Variants in STARD7 observed in about 807,000 individuals in gnomAD.
The protein encoded by STARD7 is StAR related lipid transfer domain containing 7, also known as stAR-related lipid transfer protein 7, mitochondrial.
A neutral mutation model predicts 45.3 loss-of-function variants in STARD7; 30 were observed. The observed-to-expected ratio is 0.66, with a 90% CI of 0.50 to 0.90. The LOEUF is 0.90. Ranked by LOEUF, STARD7 falls within the 40% of genes least tolerant of loss-of-function variation. The pLI, the probability that STARD7 is intolerant of heterozygous loss-of-function variation, is 0.00. For missense variants in STARD7, 495 were observed against 491.3 expected (o/e 1.01, Z -0.07); for synonymous variants, 199 against 183.0 (o/e 1.09, Z -0.70).
intron 6 of STARD7, among the ~76,000 whole-genome samples, chr2:96,191,387 T>A (rs1197977231): frequency 6.6e-6 from 1 of 152,170 alleles, no homozygotes; most frequent in Non-Finnish European, 1.5e-5. Flanking sequence ...ATCTTTTGTA[T>A]CTATTTCAAA....
rs1683010113 is a variant in STARD7 at position 96,184,873 on chromosome 2, A to T, written c.*1857T>A. 1 of 152,550 alleles carries T rather than the reference A, an allele frequency of 6.6e-6. No individual in the cohort carries two copies. The highest frequency in any genetic ancestry group is 1.5e-5 in the Non-Finnish European group (1 of 68,024). The allele number at this position is 152,550 out of a possible 1,614,324, so 9.4% of individuals were successfully genotyped here. On this transcript the variant is annotated 3_prime_UTR_variant, in exon 8 of 8. Transcript: ENST00000337288. ...AAGACAAACACTTTTTTTTGTACCA[A>T]TCTTTATGTATTTATTCACACATTT... is the stretch of plus-strand genomic sequence containing the variant.
chr2:96,185,007 C>T lies in STARD7; in HGVS notation c.*1723G>A, dbSNP rs1348800228. 2 of 152,550 alleles carry T rather than the reference C, an allele frequency of 1.3e-5. No individual in the cohort carries two copies. The highest frequency in any genetic ancestry group is 2.4e-5 in the African/African-American group (1 of 41,410). 9.4% of individuals were successfully genotyped at this position (152,550 alleles called of 1,614,324 possible). On this transcript the variant is annotated 3_prime_UTR_variant, in exon 8 of 8. Transcript: ENST00000337288. ...GCCCTAAGTCAGAACATGGAGCAAC[C>T]GCAACTCCTTCGCACTTGTGCATGT... is the stretch of plus-strand genomic sequence containing the variant.
intron 6 of STARD7, 53 bp downstream of exon 6, chr2:96,192,316 T>G: frequency 9.9e-5 from 136 of 1,377,088 alleles, no homozygotes; most frequent in Non-Finnish European, 1.3e-4. Flanking sequence ...AGACATCCCT[T>G]GAGAAAATTC....
At chr2:96,207,478 A>T (rs1683412409) in intron 1 of STARD7, among the ~76,000 whole-genome samples, 1 of 152,244 alleles carries the variant, frequency 6.6e-6, no homozygotes, top group African/African-American at 2.4e-5. Flanking sequence ...CTACAGATTA[A>T]CAAACGTAAT....
At position 96,185,043 on chromosome 2, in the gene STARD7, G is replaced by A. The variant is rs927179202; in HGVS notation, c.*1687C>T. On this transcript the variant is annotated 3_prime_UTR_variant, in exon 8 of 8. Coordinates refer to ENST00000337288, the MANE Select transcript of STARD7 (RefSeq NM_020151.4). ...CGCACTTGTGCATGTGTGTGCGCTC[G>A]CAGACGCACACACACACACACATAT... 1.4e-4 allele frequency: 21 copies of A among 152,454 alleles called. No individual in the cohort carries two copies. Among genetic ancestry groups the A allele is most frequent in the African/African-American group, 4.4e-4 (18 of 41,368 alleles). The allele number at this position is 152,454 out of a possible 1,614,324, so 9.4% of individuals were successfully genotyped here.
chr2:96,194,890 T>C (rs1683178669), intron 3 of STARD7, 68 bp downstream of exon 3: 4 of 1,326,946 alleles, frequency 3.0e-6, no homozygotes, highest in Non-Finnish European at 3.2e-6. Context: ...GTCAGATAAA[T>C]GATTCATGTA....
Position 96,184,921 on chromosome 2 carries a change from G to C in STARD7, c.*1809C>G, listed in dbSNP as rs530130514. ...TTTGATAAAAATGTCACAGTTAGGA[G>C]TGAAATCATTACAATGACATGAGTA... On this transcript the variant is annotated 3_prime_UTR_variant, in exon 8 of 8. Transcript: ENST00000337288. 2 of 152,630 alleles carry C rather than the reference G, an allele frequency of 1.3e-5. No homozygotes were observed. Among genetic ancestry groups the C allele is most frequent in the Non-Finnish European group, 2.9e-5 (2 of 68,044 alleles). 9.5% of individuals were successfully genotyped at this position (152,630 alleles called of 1,614,324 possible). A position where few individuals can be genotyped will look rare whatever the true frequency, so the allele number is the denominator to read the frequency against.
intron 1 of STARD7, among the ~76,000 whole-genome samples, chr2:96,197,479 G>T (rs146955255): frequency 2.1e-3 from 316 of 152,330 alleles, no homozygotes; most frequent in African/African-American, 7.2e-3. Flanking sequence ...TGTTAACTAT[G>T]AAGGTTTATG....
chr2:96,192,575 A>G, intron 5 of STARD7, 107 bp from the exon 6 acceptor site: 1 of 814,890 alleles, frequency 1.2e-6, no homozygotes, highest in Non-Finnish European at 2.1e-6. Flanking sequence ...GATATTTTTA[A>G]ATACACAAAA....
chr2:96,196,514 T>C (rs930673089), intron 1 of STARD7, among the ~76,000 whole-genome samples: 6 of 152,126 alleles, frequency 3.9e-5, no homozygotes, highest in African/African-American at 1.2e-4. Context: ...CAGGCTAGAA[T>C]AGAGTGCCAT....
chr2:96,205,417 A>C (rs965690927), intron 1 of STARD7, among the ~76,000 whole-genome samples: 2 of 152,218 alleles, frequency 1.3e-5, no homozygotes, highest in African/African-American at 4.8e-5. Context: ...GCTTAACCAA[A>C]ACAGCTATGT....
intron 1 of STARD7, among the ~76,000 whole-genome samples, chr2:96,198,187 A>C (rs1683253947): frequency 1.3e-5 from 2 of 152,114 alleles, no homozygotes; most frequent in Admixed American, 1.3e-4. Flanking sequence ...GCCAGGTGTG[A>C]TGGCAGGAGC....
chr2:96,195,031 G>T, intron 2 of STARD7, 24 bp from the exon 3 acceptor site: 1 of 1,593,980 alleles, frequency 6.3e-7, no homozygotes, highest in South Asian at 1.1e-5. Context: ...AAAGAATAAG[G>T]GATGCTGGCC....
chr2:96,207,260 T>C (rs575261799), intron 1 of STARD7, among the ~76,000 whole-genome samples: 1 of 152,208 alleles, frequency 6.6e-6, no homozygotes, highest in Non-Finnish European at 1.5e-5. Context: ...TGTTTCCCTG[T>C]GGAGGAAATA....
intron 6 of STARD7, among the ~76,000 whole-genome samples, chr2:96,190,357 G>T (rs1470099600): frequency 3.0e-5 from 4 of 133,426 alleles, no homozygotes; most frequent in African/African-American, 5.7e-5. Flanking sequence ...TTTTTTTTGA[G>T]ACGAGTCTCA....
At chr2:96,192,260 G>A in intron 6 of STARD7, 109 bp downstream of exon 6, 2 of 890,018 alleles carry the variant, frequency 2.2e-6, no homozygotes, top group South Asian at 2.8e-5. Flanking sequence ...ACTCCCCCGA[G>A]CGAGAACTGT....
chr2:96,204,129 C>T (rs1325865412), intron 1 of STARD7, among the ~76,000 whole-genome samples: 4 of 151,806 alleles, frequency 2.6e-5, no homozygotes, highest in African/African-American at 9.7e-5. Flanking sequence ...CGTGGTGGCA[C>T]CCCCGCTGTA....
intron 1 of STARD7, among the ~76,000 whole-genome samples, chr2:96,199,359 TTTG>T (rs1683271695): frequency 6.6e-6 from 1 of 152,230 alleles, no homozygotes; most frequent in Non-Finnish European, 1.5e-5. Context: ...CCAATGATGT[TTTG>T]TTGTTTTTAG....
At chr2:96,191,101 G>A (rs1272827871) in intron 6 of STARD7, among the ~76,000 whole-genome samples, 1 of 152,222 alleles carries the variant, frequency 6.6e-6, no homozygotes, top group Admixed American at 6.5e-5. Flanking sequence ...GGAAGTCAAG[G>A]CTGCAGTGAG....
Sources: gnomAD v4.1 joint callset for allele counts (sites outside exome capture counted in the v4.1 genomes callset) on GRCh38, gnomAD v4.1.1 for gene constraint, MANE v1.5 for transcripts, NCBI Gene and HGNC (gene_info 2026-07-23, HGNC 2026-07-21) for gene names.